Variants in NAALADL2 observed in about 807,000 individuals in gnomAD.
The protein encoded by NAALADL2 is inactive N-acetylated-alpha-linked acidic dipeptidase-like protein 2.
A neutral mutation model predicts 87.2 loss-of-function variants in NAALADL2; 76 were observed. That is an observed-to-expected ratio of 0.87 (90% CI 0.72 to 1.05). NAALADL2 has a LOEUF of 1.05. NAALADL2 is among the 50% of genes least tolerant of loss of function. NAALADL2 has a pLI of 0.00. For synonymous variants in NAALADL2, 354 were observed against 331.0 expected, an observed-to-expected ratio of 1.07 and a Z score of -0.75; for missense variants, 1,089 against 945.8, an observed-to-expected ratio of 1.15 and a Z score of -1.99.
intron 2 of NAALADL2, among the ~76,000 whole-genome samples, chr3:175,148,084 TG>T (rs1580694912): frequency 1.2e-5 from 1 of 84,024 alleles, no homozygotes; most frequent in East Asian, 3.3e-4. Context: ...ATAATAATAA[TG>T]ATAATGATAA....
At chr3:175,499,323 A>C (rs1729229018) in intron 9 of NAALADL2, among the ~76,000 whole-genome samples, 1 of 152,134 alleles carries the variant, frequency 6.6e-6, no homozygotes, top group Non-Finnish European at 1.5e-5. Flanking sequence ...GATTTCACCA[A>C]ACATTTAAAC....
chr3:175,541,319 CA>C (rs1470536938), intron 9 of NAALADL2, among the ~76,000 whole-genome samples: 2 of 152,162 alleles, frequency 1.3e-5, no homozygotes, highest in Admixed American at 1.3e-4. Flanking sequence ...ATAAACCCAT[CA>C]AAAGTTGAAA....
intron 2 of NAALADL2, among the ~76,000 whole-genome samples, chr3:174,629,570 A>G (rs900532343): frequency 2.0e-5 from 3 of 152,200 alleles, no homozygotes; most frequent in African/African-American, 2.4e-5. Context: ...TTTGTAGTGT[A>G]TTTATAATAT....
intron 5 of NAALADL2, among the ~76,000 whole-genome samples, chr3:175,401,300 G>T (rs1770531384): frequency 6.6e-6 from 1 of 152,074 alleles, no homozygotes; most frequent in African/African-American, 2.4e-5. Flanking sequence ...GAACAATCCT[G>T]CCCTAGTCAG....
chr3:175,396,900 C>A (rs1454251285), intron 5 of NAALADL2, among the ~76,000 whole-genome samples: 1 of 152,044 alleles, frequency 6.6e-6, no homozygotes, highest in Non-Finnish European at 1.5e-5. Context: ...CTGAGGCCTC[C>A]CCAACCCTGC....
At chr3:174,656,695 A>AAAGC (rs2108767766) in intron 2 of NAALADL2, among the ~76,000 whole-genome samples, 1 of 152,282 alleles carries the variant, frequency 6.6e-6, no homozygotes, top group Non-Finnish European at 1.5e-5. Context: ...ACTACATTAT[A>AAAGC]AAGCATCTGC....
At chr3:174,607,732 C>A (rs1307120020) in intron 2 of NAALADL2, among the ~76,000 whole-genome samples, 5 of 152,166 alleles carry the variant, frequency 3.3e-5, no homozygotes, top group Non-Finnish European at 5.9e-5. Flanking sequence ...CTTTAACACC[C>A]CCCTGTCAAC....
intron 1 of NAALADL2, among the ~76,000 whole-genome samples, chr3:174,985,191 ATAT>A (rs1745689054): frequency 1.3e-5 from 2 of 152,224 alleles, no homozygotes; most frequent in African/African-American, 2.4e-5. Context: ...ATGCTAAATA[ATAT>A]TATGAGAATT....
chr3:175,334,192 A>G (rs1432678770), intron 5 of NAALADL2, among the ~76,000 whole-genome samples: 1 of 152,124 alleles, frequency 6.6e-6, no homozygotes, highest in Non-Finnish European at 1.5e-5. Flanking sequence ...CTTATTGACT[A>G]TTGTTGCGTG....
chr3:174,932,810 A>G (rs1488409703), intron 1 of NAALADL2, among the ~76,000 whole-genome samples: 1 of 152,178 alleles, frequency 6.6e-6, no homozygotes, highest in Non-Finnish European at 1.5e-5. Flanking sequence ...TTATTGAGAA[A>G]GCATTGCTTA....
intron 1 of NAALADL2, among the ~76,000 whole-genome samples, chr3:174,538,249 G>C (rs1475391578): frequency 6.6e-6 from 1 of 152,070 alleles, no homozygotes; most frequent in African/African-American, 2.4e-5. Context: ...CCAGCCAATT[G>C]AATGGGCCCC....
rs62284492 is a variant in NAALADL2 at position 175,588,151 on chromosome 3, G to A, written c.1800+11964G>A. Among the ~76,000 whole-genome samples the A allele has an allele frequency of 4.1e-4, 62 of 151,516 alleles. No homozygotes were observed. The East Asian group carries it at 0.01, about 26-fold the overall frequency. Reference sequence around the variant, plus strand: ...TTTGAGTATGCCAAAAGACAGTAACGCCTGGTAGGAAAAGTATGTATATTC... The same window carrying A: ...TTTGAGTATGCCAAAAGACAGTAACACCTGGTAGGAAAAGTATGTATATTC... On this transcript the variant is annotated intron_variant, in intron 10 of 13. Coordinates refer to ENST00000454872, the MANE Select transcript of NAALADL2 (RefSeq NM_207015.3).
At chr3:175,249,199 T>G (rs1046845130) in intron 3 of NAALADL2, among the ~76,000 whole-genome samples, 1 of 152,184 alleles carries the variant, frequency 6.6e-6, no homozygotes. Context: ...GTAGACACTT[T>G]TTGTTTCTTG....
intron 9 of NAALADL2, among the ~76,000 whole-genome samples, chr3:175,568,139 G>A (rs773020807): frequency 6.6e-6 from 1 of 151,180 alleles, no homozygotes; most frequent in Admixed American, 6.6e-5. Context: ...CTATTCTGGA[G>A]ATATTTTGTT....
intron 3 of NAALADL2, among the ~76,000 whole-genome samples, chr3:174,841,189 A>G (rs963439673): frequency 6.6e-6 from 1 of 152,212 alleles, no homozygotes; most frequent in African/African-American, 2.4e-5. Context: ...TGTTGTTGGA[A>G]CCTACTTTTC....
At chr3:174,912,183 G>A (rs900908530) in intron 1 of NAALADL2, among the ~76,000 whole-genome samples, 1 of 152,014 alleles carries the variant, frequency 6.6e-6, no homozygotes, top group African/African-American at 2.4e-5. Context: ...AAGACAATCA[G>A]TGCAGAATGC....
intron 5 of NAALADL2, among the ~76,000 whole-genome samples, chr3:175,343,378 G>T (rs912977560): frequency 1.3e-5 from 2 of 151,882 alleles, no homozygotes; most frequent in Non-Finnish European, 2.9e-5. Context: ...GCATTTCCTT[G>T]TTATTTTTCT....
intron 5 of NAALADL2, among the ~76,000 whole-genome samples, chr3:175,409,580 T>C (rs1180285515): frequency 3.3e-5 from 5 of 151,898 alleles, no homozygotes; most frequent in African/African-American, 4.8e-5. Context: ...CTAGGTGTAA[T>C]TTATGTTATT....
intron 3 of NAALADL2, among the ~76,000 whole-genome samples, chr3:174,779,784 G>C (rs1294362261): frequency 6.6e-6 from 1 of 152,112 alleles, no homozygotes; most frequent in African/African-American, 2.4e-5. Flanking sequence ...GATGGTTGTA[G>C]ATGTGTGGTG....
Sources: allele counts gnomAD v4.1 joint callset (sites outside exome capture counted in the v4.1 genomes callset), GRCh38; gene constraint gnomAD v4.1.1; transcripts MANE v1.5; gene names NCBI Gene and HGNC (gene_info 2026-07-23, HGNC 2026-07-21).